Variants in SYTL5 observed in about 807,000 individuals in gnomAD.
The protein encoded by SYTL5 is synaptotagmin like 5.
Under a neutral mutation model 55.9 loss-of-function variants are expected in SYTL5, and 34 were observed. The observed-to-expected ratio is 0.61, with a 90% CI of 0.46 to 0.81. The LOEUF (loss-of-function observed/expected upper bound fraction) is 0.81. SYTL5 is among the 30% of genes least tolerant of loss of function. The pLI, the probability that SYTL5 is intolerant of heterozygous loss-of-function variation, is 0.00. For synonymous variants in SYTL5, 221 were observed against 188.7 expected (o/e 1.17, Z -1.40); for missense variants, 637 against 546.7 (o/e 1.17, Z -1.65).
intron 1 of SYTL5, among the ~76,000 whole-genome samples, chrX:38,009,532 A>G (rs1934108080): frequency 1.8e-5 from 2 of 111,671 alleles, no homozygotes; most frequent in South Asian, 3.8e-4. Flanking sequence ...CCAAACCACT[A>G]CCAAGTCCAT....
chrX:37,967,492 G>C, the SYTL5 span, among the ~76,000 whole-genome samples: 4,627 of 111,590 alleles, frequency 0.041, 89 homozygotes, highest in Middle Eastern at 0.079. Flanking sequence ...TGCTCTCTTT[G>C]ACTTTAACTT....
chrX:38,061,857 A>C (rs1448456138), intron 3 of SYTL5, among the ~76,000 whole-genome samples: 1 of 112,412 alleles, frequency 8.9e-6, no homozygotes, highest in Non-Finnish European at 1.9e-5. Flanking sequence ...GTTGCAGTCC[A>C]ACACAAAGAC....
At chrX:38,113,855 G>A (rs2147658103) in intron 13 of SYTL5, among the ~76,000 whole-genome samples, 1 of 111,172 alleles carries the variant, frequency 9.0e-6, no homozygotes, top group South Asian at 3.9e-4. Context: ...AAGTCTCCTG[G>A]GGGTGAGCAG....
the SYTL5 span, among the ~76,000 whole-genome samples, chrX:37,978,789 A>G: frequency 3.2e-3 from 355 of 111,278 alleles, 1 homozygote; most frequent in African/African-American, 0.011. Flanking sequence ...AAAGCTTCAA[A>G]GATGAAAAAA....
the SYTL5 span, among the ~76,000 whole-genome samples, chrX:37,939,185 T>C: frequency 9.3e-6 from 1 of 107,806 alleles, no homozygotes; most frequent in Admixed American, 1.0e-4. Context: ...CACTTGAACT[T>C]GGAAGGCAGA....
intron 2 of SYTL5, among the ~76,000 whole-genome samples, chrX:38,047,571 C>T (rs148100672): frequency 1.8e-5 from 2 of 112,814 alleles, no homozygotes; most frequent in African/African-American, 6.4e-5. Context: ...AGAGGGGTTG[C>T]CGCAAAGGTC....
At chrX:38,046,952 C>T (rs1451129639) in intron 2 of SYTL5, among the ~76,000 whole-genome samples, 1 of 112,169 alleles carries the variant, frequency 8.9e-6, no homozygotes. Context: ...CCTTTCACTC[C>T]ATGTCTCACA....
At chrX:38,011,625 C>T (rs185883690) in intron 1 of SYTL5, among the ~76,000 whole-genome samples, 1,666 of 61,674 alleles carry the variant, frequency 0.027, 16 homozygotes, top group South Asian at 0.2. Context: ...AAGAGCGAGA[C>T]TCCGTCTCAA....
At chrX:37,952,664 C>T in the SYTL5 span, among the ~76,000 whole-genome samples, 1 of 110,427 alleles carries the variant, frequency 9.1e-6, no homozygotes, top group Admixed American at 9.7e-5. Flanking sequence ...AATTCAACAC[C>T]CTTATTGTTA....
the SYTL5 span, among the ~76,000 whole-genome samples, chrX:37,988,330 T>A: frequency 8.9e-6 from 1 of 111,810 alleles, no homozygotes; most frequent in Non-Finnish European, 1.9e-5. Flanking sequence ...GTTGACACCT[T>A]ATTTTCAGCC....
chrX:37,961,066 G>T, the SYTL5 span, among the ~76,000 whole-genome samples: 2 of 110,402 alleles, frequency 1.8e-5, no homozygotes, highest in Non-Finnish European at 3.8e-5. Flanking sequence ...TTACGGGTGT[G>T]AGCCACCGCG....
chrX:38,005,763 T>G (rs1254892940), upstream of SYTL5, among the ~76,000 whole-genome samples: 1 of 111,653 alleles, frequency 9.0e-6, no homozygotes, highest in African/African-American at 3.3e-5. Context: ...AAGAAAGTAA[T>G]AACTCTCTTG....
chrX:38,120,593 C>G, intron 14 of SYTL5, 127 bp downstream of exon 14: 1 of 515,241 alleles, frequency 1.9e-6, no homozygotes. Context: ...GGTTTGGTGT[C>G]ACTGTCTTTT....
intron 1 of SYTL5, among the ~76,000 whole-genome samples, chrX:38,019,526 CTAGAAAATAA>C (rs1162683543): frequency 2.7e-5 from 3 of 112,215 alleles, no homozygotes; most frequent in Non-Finnish European, 3.8e-5. Context: ...CTTGTCTCCA[CTAGAAAATAA>C]TAGAAAATAG....
chrX:37,895,071 T>C, the SYTL5 span, among the ~76,000 whole-genome samples: 1 of 111,983 alleles, frequency 8.9e-6, no homozygotes, highest in Non-Finnish European at 1.9e-5. Context: ...TATGTCTATG[T>C]CTACATCTAT....
chrX:37,898,261 C>T, the SYTL5 span, among the ~76,000 whole-genome samples: 1 of 111,706 alleles, frequency 9.0e-6, no homozygotes, highest in South Asian at 3.8e-4. Context: ...CTAATCACCT[C>T]CCAATTGCCC....
the SYTL5 span, among the ~76,000 whole-genome samples, chrX:37,921,231 G>A: frequency 8.9e-6 from 1 of 111,768 alleles, no homozygotes; most frequent in Non-Finnish European, 1.9e-5. Context: ...AACTGGAGGA[G>A]CCAAGATTCA....
At chrX:37,987,756 T>C in the SYTL5 span, among the ~76,000 whole-genome samples, 1 of 112,328 alleles carries the variant, frequency 8.9e-6, no homozygotes, top group South Asian at 3.7e-4. Flanking sequence ...TTTCTTTGTG[T>C]GAGACCTTTC....
chrX:37,989,219 G>A, the SYTL5 span, among the ~76,000 whole-genome samples: 1 of 111,878 alleles, frequency 8.9e-6, no homozygotes, highest in Non-Finnish European at 1.9e-5. Flanking sequence ...GCAAGGAATA[G>A]AGATGGGATT....
Sources: allele counts gnomAD v4.1 joint callset (sites outside exome capture counted in the v4.1 genomes callset), GRCh38; gene constraint gnomAD v4.1.1; transcripts MANE v1.5; gene names NCBI Gene and HGNC (gene_info 2026-07-23, HGNC 2026-07-21).